LRRN2: variants seen among roughly 807,000 people sequenced by gnomAD.
The protein encoded by LRRN2 is leucine-rich repeat neuronal protein 2.
In LRRN2, 10 loss-of-function variants were observed where a neutral mutation model predicts 35.7. The observed-to-expected ratio is 0.28, with a 90% CI of 0.17 to 0.47. LRRN2 has a LOEUF of 0.47. Ranked by LOEUF, LRRN2 falls within the 20% of genes least tolerant of loss-of-function variation. LRRN2 has a pLI of 0.99. For synonymous variants in LRRN2, 391 were observed against 409.6 expected, an observed-to-expected ratio of 0.95 and a Z score of 0.55; for missense variants, 731 against 940.3, an observed-to-expected ratio of 0.78 and a Z score of 2.91.
chr1:204,683,854 C>T (rs767904491), intron 1 of LRRN2, among the ~76,000 whole-genome samples: 7 of 152,194 alleles, frequency 4.6e-5, no homozygotes, highest in Non-Finnish European at 8.8e-5. Context: ...ATCGTTTCGC[C>T]ACAACAGCAC....
chr1:204,680,748 G>C (rs1668929673), intron 1 of LRRN2, among the ~76,000 whole-genome samples: 1 of 152,186 alleles, frequency 6.6e-6, no homozygotes, highest in African/African-American at 2.4e-5. Context: ...AGAGGGACGT[G>C]TCAGCGGTGA....
intron 1 of LRRN2, among the ~76,000 whole-genome samples, chr1:204,658,352 C>T (rs1447338713): frequency 2.6e-4 from 40 of 152,186 alleles, no homozygotes; most frequent in Admixed American, 2.6e-3. Context: ...AATATCATCA[C>T]TTGTCCAACT....
At chr1:204,662,276 G>C (rs139819568) in intron 1 of LRRN2, among the ~76,000 whole-genome samples, 74 of 152,190 alleles carry the variant, frequency 4.9e-4, no homozygotes, top group African/African-American at 1.6e-3. Flanking sequence ...TTGAGGGCCT[G>C]GGAGAGCTAG....
At position 204,617,659 on chromosome 1, in the gene LRRN2, G is replaced by C. The variant is rs1666437659; in HGVS notation, c.*192C>G. ...AATGGCAGCAGAGGTGACCCTAGGA[G>C]GTAAGGGCAACTTTTTCGAGGCTGC... On this transcript the variant is annotated 3_prime_UTR_variant, in exon 2 of 2. Coordinates refer to ENST00000367177, the MANE Select transcript of LRRN2 (RefSeq NM_201630.2). 21 of 639,228 alleles carry C rather than the reference G, an allele frequency of 3.3e-5. No homozygotes were observed. In the South Asian group the frequency reaches 3.8e-4, roughly 11 times the overall value. 39.6% of individuals were successfully genotyped at this position (639,228 alleles called of 1,614,324 possible). A position where few individuals can be genotyped will look rare whatever the true frequency, so the allele number is the denominator to read the frequency against.
intron 1 of LRRN2, among the ~76,000 whole-genome samples, chr1:204,652,279 GCCGCCTTCCTCCTTGCCT>G (rs1668253024): frequency 4.8e-5 from 1 of 20,752 alleles, no homozygotes; most frequent in Non-Finnish European, 9.5e-5. Flanking sequence ...CCGCCCCCCC[GCCGCCTTCCTCCTTGCCT>G]CCCTGAACCA....
chr1:204,637,447 C>T (rs1667862525), intron 1 of LRRN2, among the ~76,000 whole-genome samples: 2 of 152,116 alleles, frequency 1.3e-5, no homozygotes, highest in African/African-American at 2.4e-5. Context: ...CAGGGAGACG[C>T]TTGGTTGCCC....
At chr1:204,673,170 T>C (rs1451952878) in intron 1 of LRRN2, among the ~76,000 whole-genome samples, 3 of 152,332 alleles carry the variant, frequency 2.0e-5, no homozygotes, top group Middle Eastern at 3.4e-3. Context: ...CCCTGTACTT[T>C]GTGCACAGTA....
intron 1 of LRRN2, among the ~76,000 whole-genome samples, chr1:204,658,926 C>T (rs1269713761): frequency 6.6e-6 from 1 of 152,200 alleles, no homozygotes; most frequent in Non-Finnish European, 1.5e-5. Context: ...AAACAGAAGT[C>T]CCTCCTTGCT....
At chr1:204,654,069 AG>A (rs1205791870) in intron 1 of LRRN2, among the ~76,000 whole-genome samples, 1 of 151,258 alleles carries the variant, frequency 6.6e-6, no homozygotes, top group Non-Finnish European at 1.5e-5. Context: ...CTAGAGATTA[AG>A]TAACCTGCCT....
intron 1 of LRRN2, among the ~76,000 whole-genome samples, chr1:204,637,645 C>CGTGTGTGTGTGTGTGTGTGTGTGT: frequency 7.7e-6 from 1 of 130,024 alleles, no homozygotes; most frequent in African/African-American, 2.9e-5. Flanking sequence ...CAGCACGTGA[C>CGTGTGTGTGTGTGTGTGTGTGTGT]GTGTGTGTGT....
chr1:204,684,101 C>T (rs1669013774), intron 1 of LRRN2, among the ~76,000 whole-genome samples: 1 of 152,270 alleles, frequency 6.6e-6, no homozygotes, highest in Non-Finnish European at 1.5e-5. Context: ...AAGGGGGGCA[C>T]GGAGCCTGCC....
rs766846193 is a variant in LRRN2 at position 204,618,399 on chromosome 1, G to A, written c.1594C>T (p.Arg532Trp). The A allele has an allele frequency of 5.6e-6, 9 of 1,612,726 alleles. No individual in the cohort carries two copies. The highest frequency in any genetic ancestry group is 2.2e-5 in the South Asian group (2 of 90,994). The change falls in exon 2 of 2, where the codon CGG becomes TGG. Residue 532 changes from arginine to tryptophan, a missense_variant. Physicochemically the swap from Arg to Trp is moderately radical, Grantham distance 101. This residue lies in a region of LRRN2 where 229 missense variants were observed against 258.4 expected (regional missense o/e 0.89). Coordinates refer to ENST00000367177, the MANE Select transcript of LRRN2 (RefSeq NM_201630.2). ...GRDEGQGLEL[R>W]VQETHPYHIL... ...TGATAGGGGTGGGTCTCCTGCACCCGGAGCTCCAGCCCCTGTCCTTCGTCC... is the reference window on the plus strand; with the variant it reads ...TGATAGGGGTGGGTCTCCTGCACCCAGAGCTCCAGCCCCTGTCCTTCGTCC...
At chr1:204,684,059 G>T (rs536197047) in intron 1 of LRRN2, among the ~76,000 whole-genome samples, 1 of 152,314 alleles carries the variant, frequency 6.6e-6, no homozygotes, top group East Asian at 1.9e-4. Context: ...GGGACAAAAC[G>T]CTGGGCCAGA....
intron 1 of LRRN2, among the ~76,000 whole-genome samples, chr1:204,629,907 G>A (rs1299445345): frequency 6.6e-6 from 1 of 152,130 alleles, no homozygotes; most frequent in Non-Finnish European, 1.5e-5. Context: ...TAAGTATTGA[G>A]CACACATGGA....
chr1:204,670,220 G>A (rs896968731), intron 1 of LRRN2, among the ~76,000 whole-genome samples: 11 of 152,088 alleles, frequency 7.2e-5, no homozygotes, highest in Non-Finnish European at 1.6e-4. Context: ...AGGTAGACAG[G>A]GCCTGGTGAT....
intron 1 of LRRN2, among the ~76,000 whole-genome samples, chr1:204,658,478 G>A (rs1429839342): frequency 6.6e-6 from 1 of 152,162 alleles, no homozygotes; most frequent in Non-Finnish European, 1.5e-5. Flanking sequence ...ACTCATACTT[G>A]TACCCATATC....
At chr1:204,682,600 C>T (rs1344694369) in intron 1 of LRRN2, among the ~76,000 whole-genome samples, 1 of 152,220 alleles carries the variant, frequency 6.6e-6, no homozygotes, top group Non-Finnish European at 1.5e-5. Context: ...AGAAGGTTGT[C>T]AGCACGACTG....
At chr1:204,675,271 A>G (rs1668801480) in intron 1 of LRRN2, among the ~76,000 whole-genome samples, 1 of 152,198 alleles carries the variant, frequency 6.6e-6, no homozygotes, top group Non-Finnish European at 1.5e-5. Flanking sequence ...TTTGCCTTGT[A>G]TTTAGTTTCC....
At chr1:204,648,398 G>T (rs1035261179) in intron 1 of LRRN2, among the ~76,000 whole-genome samples, 1 of 152,156 alleles carries the variant, frequency 6.6e-6, no homozygotes, top group African/African-American at 2.4e-5. Context: ...CCAATCCAGG[G>T]ACCCCAAGAA....
Sources: allele counts gnomAD v4.1 joint callset (sites outside exome capture counted in the v4.1 genomes callset), GRCh38; gene constraint gnomAD v4.1.1; regional missense constraint gnomAD v4.1.1; transcripts MANE v1.5; gene names NCBI Gene and HGNC (gene_info 2026-07-23, HGNC 2026-07-21).